ZNF385B: variants seen among roughly 807,000 people sequenced by gnomAD.
ZNF385B encodes zinc finger protein 385B, also known as zinc finger protein 533.
Under a neutral mutation model 39.2 loss-of-function variants are expected in ZNF385B, and 23 were observed. That is an observed-to-expected ratio of 0.59 (90% CI 0.42 to 0.83). The LOEUF (loss-of-function observed/expected upper bound fraction) is 0.83, where lower values mean the gene tolerates loss of function less well. Ranked by LOEUF, ZNF385B falls within the 40% of genes least tolerant of loss-of-function variation. The pLI, the probability that ZNF385B is intolerant of heterozygous loss-of-function variation, is 0.00. For synonymous variants in ZNF385B, 205 were observed against 222.6 expected (o/e 0.92, Z 0.70); for missense variants, 552 against 598.9 (o/e 0.92, Z 0.82).
chr2:179,853,211 C>T (rs910977832), intron 1 of ZNF385B, among the ~76,000 whole-genome samples: 1 of 152,144 alleles, frequency 6.6e-6, no homozygotes, highest in African/African-American at 2.4e-5. Flanking sequence ...ACTATTAATA[C>T]AATTCTAGTG....
At chr2:179,526,894 T>G (rs1184165628) in intron 4 of ZNF385B, among the ~76,000 whole-genome samples, 2 of 152,226 alleles carry the variant, frequency 1.3e-5, no homozygotes, top group African/African-American at 4.8e-5. Flanking sequence ...TGAAACCACA[T>G]ATTGGTTGTG....
At chr2:179,776,797 T>C (rs1188470691) in intron 1 of ZNF385B, among the ~76,000 whole-genome samples, 2 of 152,128 alleles carry the variant, frequency 1.3e-5, no homozygotes, top group African/African-American at 4.8e-5. Context: ...GGAAAACTGA[T>C]AAAACATTGG....
chr2:179,623,552 C>T (rs528019421), intron 3 of ZNF385B, among the ~76,000 whole-genome samples: 27 of 152,214 alleles, frequency 1.8e-4, no homozygotes, highest in African/African-American at 3.4e-4. Context: ...ATTTTGAAGA[C>T]GGCACAGTAG....
At chr2:179,800,503 G>A (rs975006676) in intron 1 of ZNF385B, among the ~76,000 whole-genome samples, 9 of 151,690 alleles carry the variant, frequency 5.9e-5, no homozygotes, top group Non-Finnish European at 2.9e-5. Flanking sequence ...ACATTGAAGG[G>A]GTATACCTAA....
At chr2:179,445,411 A>T in intron 8 of ZNF385B, 139 bp downstream of exon 8, 9 of 723,714 alleles carry the variant, frequency 1.2e-5, no homozygotes, top group Non-Finnish European at 2.0e-5. Flanking sequence ...GTTAGCACCT[A>T]TATGTTGCAT....
intron 3 of ZNF385B, among the ~76,000 whole-genome samples, chr2:179,726,603 T>A (rs1054586261): frequency 1.1e-4 from 16 of 152,064 alleles, no homozygotes; most frequent in Non-Finnish European, 1.8e-4. Context: ...GGCGGCCTAG[T>A]GTTTTTATTA....
intron 3 of ZNF385B, among the ~76,000 whole-genome samples, chr2:179,686,119 G>A (rs957262720): frequency 2.5e-4 from 38 of 152,214 alleles, no homozygotes; most frequent in African/African-American, 7.7e-4. Context: ...GACAGGAAGA[G>A]TTTACAAATC....
intron 3 of ZNF385B, among the ~76,000 whole-genome samples, chr2:179,648,069 A>G (rs1443424382): frequency 6.6e-6 from 1 of 152,114 alleles, no homozygotes; most frequent in African/African-American, 2.4e-5. Flanking sequence ...CAATGAAAGT[A>G]TCCACACATG....
intron 3 of ZNF385B, among the ~76,000 whole-genome samples, chr2:179,648,229 C>A (rs554749263): frequency 2.6e-5 from 4 of 151,958 alleles, no homozygotes; most frequent in Non-Finnish European, 5.9e-5. Flanking sequence ...TGTGTCAGAG[C>A]CCAGTTGGGA....
intron 3 of ZNF385B, among the ~76,000 whole-genome samples, chr2:179,667,117 G>T (rs1695265027): frequency 6.6e-6 from 1 of 152,058 alleles, no homozygotes; most frequent in Admixed American, 6.6e-5. Context: ...TTTCATCTCT[G>T]CTGCCCTCTT....
chr2:179,682,366 C>A (rs964744306), intron 3 of ZNF385B, among the ~76,000 whole-genome samples: 1 of 152,186 alleles, frequency 6.6e-6, no homozygotes, highest in Non-Finnish European at 1.5e-5. Context: ...GCTTCTATTT[C>A]CTACTGTTCC....
At chr2:179,648,956 G>A (rs1371163879) in intron 3 of ZNF385B, among the ~76,000 whole-genome samples, 3 of 152,144 alleles carry the variant, frequency 2.0e-5, no homozygotes, top group Non-Finnish European at 4.4e-5. Context: ...AATTATAAAG[G>A]ATGAAAAGAT....
intron 6 of ZNF385B, among the ~76,000 whole-genome samples, chr2:179,455,568 GAATCAAATA>G (rs1327466174): frequency 6.6e-6 from 1 of 152,068 alleles, no homozygotes; most frequent in Non-Finnish European, 1.5e-5. Context: ...GCTGAGCTGT[GAATCAAATA>G]AACCTCTTTC....
intron 1 of ZNF385B, among the ~76,000 whole-genome samples, chr2:179,810,695 C>T (rs1033480988): frequency 6.6e-6 from 1 of 151,870 alleles, no homozygotes; most frequent in African/African-American, 2.4e-5. Context: ...CAAATAAAAC[C>T]AATTTTCTCT....
chr2:179,802,842 C>T (rs1706117935), intron 1 of ZNF385B, among the ~76,000 whole-genome samples: 1 of 152,092 alleles, frequency 6.6e-6, no homozygotes, highest in African/African-American at 2.4e-5. Flanking sequence ...TGCTGTTCTG[C>T]TTTCTTTTAC....
intron 3 of ZNF385B, among the ~76,000 whole-genome samples, chr2:179,662,637 T>C (rs1694628984): frequency 6.6e-6 from 1 of 152,208 alleles, no homozygotes; most frequent in Non-Finnish European, 1.5e-5. Flanking sequence ...GTTTTCCATT[T>C]GTACTCTCCT....
At chr2:179,577,915 T>C (rs187659294) in intron 3 of ZNF385B, among the ~76,000 whole-genome samples, 15 of 152,238 alleles carry the variant, frequency 9.9e-5, no homozygotes, top group African/African-American at 3.4e-4. Context: ...ATATATCCAT[T>C]TTTTATATTA....
chr2:179,446,715 A>G lies in ZNF385B; in HGVS notation c.771T>C (p.Ser257=). 1 of 1,614,114 alleles carries G rather than the reference A, an allele frequency of 6.2e-7. No homozygotes were observed. The highest frequency in any genetic ancestry group is 8.5e-7 in the Non-Finnish European group (1 of 1,179,986). ...TGCCAGATTTGAGGAGAAATGAGCC[A>G]CTTTCAGAGCTTGATGGCTGACTGG... ...SSSSQPSSSE[S]GSFLLKSGTT... The change falls in exon 7 of 10, where the codon AGT becomes AGC. Residue 257 remains serine (S), a synonymous_variant. Transcript: ENST00000410066.
intron 1 of ZNF385B, among the ~76,000 whole-genome samples, chr2:179,778,675 T>C (rs1000984965): frequency 6.6e-6 from 1 of 152,224 alleles, no homozygotes; most frequent in Non-Finnish European, 1.5e-5. Flanking sequence ...TTATTTCCAG[T>C]CATAATTTCC....
Sources: gnomAD v4.1 joint callset for allele counts (sites outside exome capture counted in the v4.1 genomes callset) on GRCh38, gnomAD v4.1.1 for gene constraint, MANE v1.5 for transcripts, NCBI Gene and HGNC (gene_info 2026-07-23, HGNC 2026-07-21) for gene names.